The following SH3PXD2A variants were observed in gnomAD, a reference collection of about 807,000 sequenced individuals.
SH3PXD2A encodes SH3 and PX domains 2A.
A neutral mutation model predicts 115.2 loss-of-function variants in SH3PXD2A; 32 were observed. That is an observed-to-expected ratio of 0.28 (90% CI 0.21 to 0.37). The LOEUF is 0.37. SH3PXD2A is among the 10% of genes least tolerant of loss of function. The pLI is 1.00. For missense variants in SH3PXD2A, 1,328 were observed against 1,498.7 expected, an observed-to-expected ratio of 0.89 and a Z score of 1.88; for synonymous variants, 610 against 629.1, an observed-to-expected ratio of 0.97 and a Z score of 0.45.
At chr10:103,633,888 G>C (rs923730532) in intron 8 of SH3PXD2A, among the ~76,000 whole-genome samples, 2 of 152,164 alleles carry the variant, frequency 1.3e-5, no homozygotes, top group African/African-American at 4.8e-5. Flanking sequence ...AGAAGCTTCT[G>C]GTGCAGCAGA....
Position 103,753,022 on chromosome 10 carries a change from G to GTA in SH3PXD2A, c.229+14070_229+14071dup, listed in dbSNP as rs561446789. 1.9e-3 allele frequency among the ~76,000 whole-genome samples: 290 copies of GTA among 151,524 alleles called. 1 individual carries two copies. The highest frequency in any genetic ancestry group is 0.015 in the South Asian group (70 of 4,804). On this transcript the variant is annotated intron_variant, in intron 3 of 14. Transcript: ENST00000369774. Reference sequence around the variant, plus strand: ...GACAACATTGATCAACCTCTAATATGTATATATATATATTTAAATGAGATA... The same window carrying GTA: ...GACAACATTGATCAACCTCTAATATGTATATATATATATATTTAAATGAGATA...
intron 6 of SH3PXD2A, among the ~76,000 whole-genome samples, chr10:103,680,758 G>A (rs2037597835): frequency 6.6e-6 from 1 of 152,114 alleles, no homozygotes; most frequent in African/African-American, 2.4e-5. Flanking sequence ...GGAAAAGCAT[G>A]ATTTTCCTGT....
At chr10:103,668,404 C>T (rs957518327) in intron 7 of SH3PXD2A, among the ~76,000 whole-genome samples, 11 of 152,258 alleles carry the variant, frequency 7.2e-5, no homozygotes, top group Middle Eastern at 3.2e-3. Flanking sequence ...CGCTGAGCTA[C>T]GTGGTCATCA....
chr10:103,849,473 G>C (rs6584578), intron 1 of SH3PXD2A, among the ~76,000 whole-genome samples: 132,290 of 152,238 alleles, frequency 0.87, 58,671 homozygotes, highest in East Asian at 0.99. Flanking sequence ...GACTCTGACC[G>C]GCACCATGCA....
At chr10:103,796,417 T>C (rs910063226) in intron 2 of SH3PXD2A, among the ~76,000 whole-genome samples, 1 of 150,614 alleles carries the variant, frequency 6.6e-6, no homozygotes, top group African/African-American at 2.4e-5. Context: ...AGAGAGACCA[T>C]ATGGGCATCT....
intron 3 of SH3PXD2A, among the ~76,000 whole-genome samples, chr10:103,741,850 A>G (rs535444219): frequency 1.3e-5 from 2 of 152,336 alleles, no homozygotes; most frequent in South Asian, 4.1e-4. Flanking sequence ...GTGGCTTAAA[A>G]TAACAGGAAT....
chr10:103,775,468 T>C (rs534055866), intron 2 of SH3PXD2A, among the ~76,000 whole-genome samples: 1 of 151,774 alleles, frequency 6.6e-6, no homozygotes, highest in East Asian at 1.9e-4. Flanking sequence ...GTGGCTGGAG[T>C]GAGCAAAAGG....
chr10:103,660,137 C>T (rs928917013), intron 8 of SH3PXD2A, among the ~76,000 whole-genome samples: 6 of 152,112 alleles, frequency 3.9e-5, no homozygotes, highest in Admixed American at 1.3e-4. Context: ...TGCAGCAAAC[C>T]GAAACTGAAA....
At chr10:103,777,880 T>G (rs1302450945) in intron 2 of SH3PXD2A, among the ~76,000 whole-genome samples, 2 of 152,136 alleles carry the variant, frequency 1.3e-5, no homozygotes, top group Admixed American at 6.5e-5. Flanking sequence ...GACCTGCCTG[T>G]CTCCACACGT....
Position 103,602,153 on chromosome 10 carries a change from C to T in SH3PXD2A, c.3065G>A (p.Arg1022His), listed in dbSNP as rs369836291. The change falls in exon 15 of 15, where the codon CGC becomes CAC. Residue 1022 changes from arginine to histidine, a missense_variant. Arg to His is a conservative substitution (Grantham distance 29). This residue lies in a region of SH3PXD2A where 574 missense variants were observed against 565.7 expected (regional missense o/e 1.01). Transcript: ENST00000369774. ...GCCCTTGGCCTCGGCGGCAGCGGAG[C>T]GAGCAGTGCTAAAGGAGGAGTTCCG... ...VRRNSSFSTA[R>H]SAAAEAKGRL... 66 of 1,574,104 alleles carry T rather than the reference C, an allele frequency of 4.2e-5. 1 individual carries two copies. The highest frequency in any genetic ancestry group is 3.4e-4 in the African/African-American group (25 of 73,958).
At chr10:103,759,361 T>C (rs947435869) in intron 3 of SH3PXD2A, among the ~76,000 whole-genome samples, 1 of 152,202 alleles carries the variant, frequency 6.6e-6, no homozygotes, top group Non-Finnish European at 1.5e-5. Context: ...ACCTTGATTA[T>C]GGTTATAGAT....
intron 8 of SH3PXD2A, among the ~76,000 whole-genome samples, chr10:103,631,972 CG>C (rs1383762660): frequency 6.6e-6 from 1 of 152,044 alleles, no homozygotes; most frequent in Non-Finnish European, 1.5e-5. Flanking sequence ...ATGTTAATAG[CG>C]CACGGTTCTG....
chr10:103,800,601 A>G (rs1050537674), intron 2 of SH3PXD2A, among the ~76,000 whole-genome samples: 2 of 152,138 alleles, frequency 1.3e-5, no homozygotes, highest in African/African-American at 4.8e-5. Context: ...CCTCCTTCCA[A>G]TCACATCTCC....
intron 6 of SH3PXD2A, among the ~76,000 whole-genome samples, chr10:103,692,657 T>G (rs1004561216): frequency 5.9e-5 from 9 of 152,208 alleles, no homozygotes; most frequent in Admixed American, 3.3e-4. Context: ...GTCTTAGCAC[T>G]GCGCAGCAGC....
At chr10:103,828,773 CTGTT>C (rs1328138603) in intron 1 of SH3PXD2A, among the ~76,000 whole-genome samples, 2 of 152,218 alleles carry the variant, frequency 1.3e-5, no homozygotes, top group Non-Finnish European at 2.9e-5. Context: ...AGAACAAAGA[CTGTT>C]TGTGTTCTGT....
chr10:103,650,307 C>T (rs954253525), intron 8 of SH3PXD2A, among the ~76,000 whole-genome samples: 4 of 152,222 alleles, frequency 2.6e-5, no homozygotes, highest in African/African-American at 7.2e-5. Context: ...CAGCAGCCCA[C>T]AGATGTGCCA....
rs151278904 is a variant in SH3PXD2A at position 103,734,408 on chromosome 10, C to G, written c.306+1324G>C. Among the ~76,000 whole-genome samples the G allele has an allele frequency of 2.2e-3, 329 of 152,148 alleles. 1 individual carries two copies. Among genetic ancestry groups the G allele is most frequent in the African/African-American group, 7.5e-3 (311 of 41,520 alleles). Reference sequence around the variant, plus strand: ...TTTTTTTTATTTGCTTTTAATAAAGCCTTTTCACCAGTCTGGGCAACAGAA... The same window carrying G: ...TTTTTTTTATTTGCTTTTAATAAAGGCTTTTCACCAGTCTGGGCAACAGAA... On this transcript the variant is annotated intron_variant, in intron 4 of 14. Transcript: ENST00000369774.
chr10:103,640,066 G>A (rs2036931062), intron 8 of SH3PXD2A, among the ~76,000 whole-genome samples: 1 of 152,222 alleles, frequency 6.6e-6, no homozygotes. Context: ...TGTAATCCCA[G>A]CATTTTGGGA....
intron 3 of SH3PXD2A, among the ~76,000 whole-genome samples, chr10:103,748,587 GGCACAC>G (rs2038536029): frequency 6.6e-6 from 1 of 152,188 alleles, no homozygotes; most frequent in African/African-American, 2.4e-5. Flanking sequence ...GGCTGTCATA[GGCACAC>G]GCAGGAGGGA....
Sources: allele counts gnomAD v4.1 joint callset (sites outside exome capture counted in the v4.1 genomes callset), GRCh38; gene constraint gnomAD v4.1.1; regional missense constraint gnomAD v4.1.1; transcripts MANE v1.5; gene names NCBI Gene and HGNC (gene_info 2026-07-23, HGNC 2026-07-21).